Variants in ELF3 observed in about 807,000 individuals in gnomAD.
ELF3 encodes E74 like ETS transcription factor 3, also known as ETS-related transcription factor Elf-3.
ELF3 carries 18 observed loss-of-function variants against 43.9 expected under a neutral mutation model. That is an observed-to-expected ratio of 0.41 (90% CI 0.28 to 0.61). ELF3 has a LOEUF of 0.61. Among genes scored for constraint, ELF3 ranks in the 20% least tolerant of loss-of-function variants. ELF3 has a pLI of 0.30. For synonymous variants in ELF3, 181 were observed against 190.2 expected, an observed-to-expected ratio of 0.95 and a Z score of 0.40; for missense variants, 373 against 487.7, an observed-to-expected ratio of 0.76 and a Z score of 2.21.
intron 8 of ELF3, among the ~76,000 whole-genome samples, chr1:202,014,448 T>TA (rs1033435020): frequency 6.6e-6 from 1 of 152,170 alleles, no homozygotes; most frequent in Non-Finnish European, 1.5e-5. Flanking sequence ...ATCATGTACT[T>TA]ACTTTTTTTT....
chr1:202,016,222 CGCTTACA>C lies in ELF3; in HGVS notation c.*900_*906del, dbSNP rs1684307504. 1 of 152,594 alleles carries C rather than the reference CGCTTACA, an allele frequency of 6.6e-6. No homozygotes were observed. The highest frequency in any genetic ancestry group is 1.5e-5 in the Non-Finnish European group (1 of 68,208). The allele number at this position is 152,594 out of a possible 1,614,324, so 9.5% of individuals were successfully genotyped here. On this transcript the variant is annotated 3_prime_UTR_variant, in exon 9 of 9. Transcript: ENST00000367284. The stretch of plus-strand genomic sequence containing the variant: ...GGAAGCAGCTGAGACTGTTGGAGAA[CGCTTACA>C]AGACTTCATGCAAGCAAGGACATGA...
In ELF3 at chr1:202,013,785, G is replaced by A. The variant is rs1684261389; in HGVS notation, c.806-44G>A. 2 of 1,576,626 alleles carry A rather than the reference G, an allele frequency of 1.3e-6. No homozygotes were observed. Among genetic ancestry groups the A allele is most frequent in the African/African-American group, 2.7e-5 (2 of 74,102 alleles). ...GGCAGGGCTGGCTGGCCTTGGGTGAGAGGGGACACCTGGATGGCAAACTGA... is the reference window on the plus strand; with the variant it reads ...GGCAGGGCTGGCTGGCCTTGGGTGAAAGGGGACACCTGGATGGCAAACTGA... On this transcript the variant is annotated intron_variant, in intron 7 of 8. Coordinates refer to ENST00000367284, the MANE Select transcript of ELF3 (RefSeq NM_004433.5). This position sits in a 1 kb window ranked among gnomAD's most constrained non-coding sequence, Gnocchi z 5.7.
chr1:202,012,996 C>G lies in ELF3; in HGVS notation c.648C>G (p.Asp216Glu). 6.2e-7 allele frequency: 1 copy of G among 1,613,868 alleles called. No homozygotes were observed. Among genetic ancestry groups the G allele is most frequent in the Non-Finnish European group, 8.5e-7 (1 of 1,179,872 alleles). Residue 216 changes from aspartate to glutamate, a missense_variant, in exon 6 of 9, where the codon GAC (aspartate) becomes GAG (glutamate). Physicochemically the swap from Asp to Glu is conservative, Grantham distance 45. Coordinates refer to ENST00000367284, the MANE Select transcript of ELF3 (RefSeq NM_004433.5). This position sits in a 1 kb window ranked among gnomAD's most constrained non-coding sequence, Gnocchi z 4.2. ...ACTCCTCAGACTCCGGTGGAAGTGA[C>G]GTGGACCTGGATCCCACTGATGGCA... Reference protein sequence around the residue: ...SSHSSDSGGSDVDLDPTDGKL... With the variant: ...SSHSSDSGGSEVDLDPTDGKL...
At chr1:202,014,577 G>A (rs1456768908) in intron 8 of ELF3, among the ~76,000 whole-genome samples, 1 of 152,104 alleles carries the variant, frequency 6.6e-6, no homozygotes, top group East Asian at 1.9e-4. Context: ...ACAGGTGTGA[G>A]CCAGTATGCT....
intron 8 of ELF3, 115 bp from the exon 9 acceptor site, chr1:202,015,094 G>T: frequency 1.0e-6 from 1 of 963,920 alleles, no homozygotes; most frequent in Non-Finnish European, 1.6e-6. Context: ...AGCTTAGTCA[G>T]GCAGAGACCA....
Position 202,013,306 on chromosome 1 carries a change from C to A in ELF3, c.805+8C>A. ...GCAAGAAGAGCAAGCACGGTGAGCT[C>A]CGGGGGCACGTGGGTCCTCCCTGCG... On this transcript the variant is annotated splice_region_variant and intron_variant, in intron 7 of 8. Transcript: ENST00000367284. The surrounding 1 kb of genome is among the most constrained non-coding windows in gnomAD (Gnocchi z 5.7). The A allele has an allele frequency of 6.2e-7, 1 of 1,612,018 alleles. No homozygotes were observed. The highest frequency in any genetic ancestry group is 8.5e-7 in the Non-Finnish European group (1 of 1,178,320).
Position 202,013,566 on chromosome 1 carries a change from C to G in ELF3, c.806-263C>G, listed in dbSNP as rs2102993691. On this transcript the variant is annotated intron_variant, in intron 7 of 8. Transcript: ENST00000367284. The surrounding 1 kb of genome is among the most constrained non-coding windows in gnomAD (Gnocchi z 5.7). The stretch of plus-strand genomic sequence containing the variant: ...CTGTCCACTGACTCCAGTGTCCTGT[C>G]CACTGACTCCAGTTCTCTCTGCACT... 6.6e-6 allele frequency among the ~76,000 whole-genome samples: 1 copy of G among 152,252 alleles called. No homozygotes were observed. The highest frequency in any genetic ancestry group is 1.9e-4 in the East Asian group (1 of 5,180).
intron 1 of ELF3, 80 bp from the exon 2 acceptor site, chr1:202,011,049 G>C: frequency 6.5e-7 from 1 of 1,545,096 alleles, no homozygotes. Context: ...CCCAGGGTTG[G>C]GCAAAGCAGA....
Position 202,013,435 on chromosome 1 carries a change from G to A in ELF3, c.805+137G>A. 1.2e-6 allele frequency: 1 copy of A among 863,368 alleles called. No individual in the cohort carries two copies. Among genetic ancestry groups the A allele is most frequent in the South Asian group, 1.7e-5 (1 of 59,952 alleles). The allele number at this position is 863,368 out of a possible 1,614,324, so 53.5% of individuals were successfully genotyped here. On this transcript the variant is annotated intron_variant, in intron 7 of 8. Coordinates refer to ENST00000367284, the MANE Select transcript of ELF3 (RefSeq NM_004433.5). The surrounding 1 kb of genome is among the most constrained non-coding windows in gnomAD (Gnocchi z 5.7). Reference sequence around the variant, plus strand: ...CTTTGGTAAGGCTGTGCACAAGCTGGGGGCTCTATGGTATCGGTCACCACC... The same window carrying A: ...CTTTGGTAAGGCTGTGCACAAGCTGAGGGCTCTATGGTATCGGTCACCACC...
chr1:202,013,308 G>C lies in ELF3; in HGVS notation c.805+10G>C. 2 of 1,610,958 alleles carry C rather than the reference G, an allele frequency of 1.2e-6. No individual in the cohort carries two copies. The highest frequency in any genetic ancestry group is 1.7e-6 in the Non-Finnish European group (2 of 1,177,496). ...AAGAAGAGCAAGCACGGTGAGCTCC[G>C]GGGGCACGTGGGTCCTCCCTGCGCC... On this transcript the variant is annotated intron_variant, in intron 7 of 8. Transcript: ENST00000367284. This position sits in a 1 kb window ranked among gnomAD's most constrained non-coding sequence, Gnocchi z 5.7.
In ELF3 at chr1:202,012,378, T is replaced by C; in HGVS notation, c.420T>C (p.Ile140=). 6.2e-7 allele frequency: 1 copy of C among 1,614,112 alleles called. No individual in the cohort carries two copies. The highest frequency in any genetic ancestry group is 1.1e-5 in the South Asian group (1 of 91,076). Residue 140 remains isoleucine (I), a synonymous_variant, in exon 4 of 9, where the codon ATT becomes ATC. Coordinates refer to ENST00000367284, the MANE Select transcript of ELF3 (RefSeq NM_004433.5). This position sits in a 1 kb window ranked among gnomAD's most constrained non-coding sequence, Gnocchi z 4.2. ...SSSSDELSWI[I]ELLEKDGMAF... ...CTTCTGATGAGCTCAGTTGGATCAT[T>C]GAGCTGCTGGAGAAGGATGGCATGG...
At chr1:202,011,645 G>T in intron 2 of ELF3, 1 of 468,472 alleles carries the variant, frequency 2.1e-6, no homozygotes, top group Non-Finnish European at 3.8e-6. Context: ...GCTGAGCTGA[G>T]CGGATCACCT....
In ELF3 at chr1:202,012,574, G is replaced by A; in HGVS notation, c.479-66G>A. On this transcript the variant is annotated intron_variant, in intron 4 of 8. Transcript: ENST00000367284. This position sits in a 1 kb window ranked among gnomAD's most constrained non-coding sequence, Gnocchi z 4.2. ...AATTGCAGCAGGTCATCAGACCCATGGGCAGCATCACCTGTCCTGGTCTGG... is the reference window on the plus strand; with the variant it reads ...AATTGCAGCAGGTCATCAGACCCATAGGCAGCATCACCTGTCCTGGTCTGG... 6.4e-7 allele frequency: 1 copy of A among 1,553,796 alleles called. No individual in the cohort carries two copies. Among genetic ancestry groups the A allele is most frequent in the Non-Finnish European group, 8.7e-7 (1 of 1,150,978 alleles).
intron 2 of ELF3, chr1:202,011,591 G>C: frequency 2.1e-6 from 1 of 477,164 alleles, no homozygotes; most frequent in Non-Finnish European, 3.7e-6. Flanking sequence ...GGCTGTGTGG[G>C]CTGGGAGTGG....
chr1:202,012,229 G>T lies in ELF3; in HGVS notation c.385+51G>T. The stretch of plus-strand genomic sequence containing the variant: ...GGAGCAGCTCCACATGTTGAGCTGA[G>T]TCGAGTTCAGTGTGGCCGTAGGCAG... On this transcript the variant is annotated intron_variant, in intron 3 of 8. Coordinates refer to ENST00000367284, the MANE Select transcript of ELF3 (RefSeq NM_004433.5). The surrounding 1 kb of genome is among the most constrained non-coding windows in gnomAD (Gnocchi z 4.2). The T allele has an allele frequency of 6.2e-7, 1 of 1,607,064 alleles. No individual in the cohort carries two copies. The highest frequency in any genetic ancestry group is 1.1e-5 in the South Asian group (1 of 90,536).
chr1:202,013,914 T>G lies in ELF3; in HGVS notation c.891T>G (p.Asn297Lys). ...ACGAGGGCCTCATGAAGTGGGAGAA[T>G]CGGCATGAAGGCGTCTTCAAGTTCC... Reference protein sequence around the residue: ...ELNEGLMKWENRHEGVFKFLR... With the variant: ...ELNEGLMKWEKRHEGVFKFLR... Residue 297 changes from asparagine to lysine, a missense_variant, in exon 8 of 9, where the codon AAT (asparagine) becomes AAG (lysine). This residue lies in a region of ELF3 where 61 missense variants were observed against 115.9 expected (regional missense o/e 0.53). Transcript: ENST00000367284. This position sits in a 1 kb window ranked among gnomAD's most constrained non-coding sequence, Gnocchi z 5.7. 6.2e-7 allele frequency: 1 copy of G among 1,614,014 alleles called. No homozygotes were observed.
In ELF3 at chr1:202,013,776, C is replaced by T; in HGVS notation, c.806-53C>T. ...ACTGGGGCGGGCAGGGCTGGCTGGCCTTGGGTGAGAGGGGACACCTGGATG... is the reference window on the plus strand; with the variant it reads ...ACTGGGGCGGGCAGGGCTGGCTGGCTTTGGGTGAGAGGGGACACCTGGATG... On this transcript the variant is annotated intron_variant, in intron 7 of 8. Transcript: ENST00000367284. This position sits in a 1 kb window ranked among gnomAD's most constrained non-coding sequence, Gnocchi z 5.7. The T allele has an allele frequency of 6.4e-7, 1 of 1,561,858 alleles. No homozygotes were observed. The highest frequency in any genetic ancestry group is 8.7e-7 in the Non-Finnish European group (1 of 1,151,406).
rs1684309800 is a variant in ELF3, at chr1:202,016,363, G to T, written c.*1040G>T. On this transcript the variant is annotated 3_prime_UTR_variant, in exon 9 of 9. Transcript: ENST00000367284. ...GGACTGATTTTTCCTATTAGGCTAG[G>T]GTTTGGACCTGATGTTCTCAAGATG... 6.6e-6 allele frequency: 1 copy of T among 152,140 alleles called. No individual in the cohort carries two copies. 9.4% of individuals were successfully genotyped at this position (152,140 alleles called of 1,614,324 possible).
intron 1 of ELF3, 121 bp from the exon 2 acceptor site, chr1:202,011,008 C>A: frequency 3.6e-6 from 4 of 1,104,404 alleles, no homozygotes; most frequent in Non-Finnish European, 5.2e-6. Context: ...CGCAGAGTTG[C>A]TGATCTTCCT....
Sources: gnomAD v4.1 joint callset for allele counts (sites outside exome capture counted in the v4.1 genomes callset) on GRCh38, gnomAD v4.1.1 for gene constraint, gnomAD v4.1.1 regional missense constraint, Gnocchi (gnomAD v3.1) non-coding constraint, MANE v1.5 for transcripts, NCBI Gene and HGNC (gene_info 2026-07-23, HGNC 2026-07-21) for gene names.